Variants in STK3 observed in about 807,000 individuals in gnomAD.
STK3 encodes the protein serine/threonine-protein kinase 3.
Under a neutral mutation model 58.0 loss-of-function variants are expected in STK3, and 41 were observed. That is an observed-to-expected ratio of 0.71 (90% CI 0.55 to 0.92). The LOEUF is 0.92. Among genes scored for constraint, STK3 ranks in the 40% least tolerant of loss-of-function variants. The pLI is 0.00. For missense variants in STK3, 479 were observed against 602.7 expected, an observed-to-expected ratio of 0.79 and a Z score of 2.15; for synonymous variants, 170 against 191.0, an observed-to-expected ratio of 0.89 and a Z score of 0.91.
At chr8:98,891,144 G>A (rs1838185375) in intron 1 of STK3, among the ~76,000 whole-genome samples, 1 of 152,244 alleles carries the variant, frequency 6.6e-6, no homozygotes, top group African/African-American at 2.4e-5. Context: ...CAGGGCTGGG[G>A]CAGTGACCAC....
At chr8:98,764,099 A>G (rs1237526018) in intron 3 of STK3, among the ~76,000 whole-genome samples, 1 of 152,234 alleles carries the variant, frequency 6.6e-6, no homozygotes, top group African/African-American at 2.4e-5. Flanking sequence ...AAAGGCAGAA[A>G]CCATTTTTCA....
rs151196486 is a variant in STK3 at position 98,437,121 on chromosome 8, C to T, written n.273G>A. ...GACTTACTAGTGACTTCTTGGCCAC[C>T]GTTGGTGCTCCTGTTGAATATAACC... On this transcript the variant is annotated non_coding_transcript_exon_variant, in exon 2 of 4. Coordinates refer to the STK3 transcript ENST00000517832. The T allele has an allele frequency of 3.4e-3, 525 of 152,402 alleles. 1 individual carries two copies. Among genetic ancestry groups the T allele is most frequent in the Non-Finnish European group, 5.9e-3 (402 of 68,090 alleles). 9.4% of individuals were successfully genotyped at this position (152,402 alleles called of 1,614,324 possible). A position where few individuals can be genotyped will look rare whatever the true frequency, so the allele number is the denominator to read the frequency against.
intron 4 of STK3, among the ~76,000 whole-genome samples, chr8:98,725,985 C>T (rs914303567): frequency 6.6e-6 from 1 of 152,206 alleles, no homozygotes; most frequent in Non-Finnish European, 1.5e-5. Flanking sequence ...GCTTGGTCTT[C>T]CTGCTCCACA....
At chr8:98,350,807 C>T in the STK3 span, among the ~76,000 whole-genome samples, 1 of 152,148 alleles carries the variant, frequency 6.6e-6, no homozygotes, top group Non-Finnish European at 1.5e-5. Flanking sequence ...AGTTATCTCC[C>T]ACTGGGTCCC....
intron 8 of STK3, among the ~76,000 whole-genome samples, chr8:98,567,737 G>T (rs1812610447): frequency 6.6e-6 from 1 of 152,020 alleles, no homozygotes; most frequent in African/African-American, 2.4e-5. Flanking sequence ...TTTATAAAGA[G>T]ATCATATTAC....
At chr8:98,693,629 C>A (rs1007417304) in intron 6 of STK3, among the ~76,000 whole-genome samples, 4 of 152,186 alleles carry the variant, frequency 2.6e-5, no homozygotes, top group Non-Finnish European at 5.9e-5. Context: ...AGATACTCCT[C>A]TATGCCATTC....
rs34742964 is a variant in STK3, at chr8:98,690,449, CAAAAAAA to C, written c.684+16011_684+16017del. On this transcript the variant is annotated intron_variant, in intron 6 of 10. Transcript: ENST00000419617. ...ATGCAATGCCATTTACAATTCCTAC[CAAAAAAA>C]AAAAAAAAACAACCTAGGAATACAC... is the stretch of plus-strand genomic sequence containing the variant. 4.8e-4 allele frequency among the ~76,000 whole-genome samples: 52 copies of C among 108,792 alleles called. 1 individual carries two copies. The highest frequency in any genetic ancestry group is 1.7e-3 in the African/African-American group (48 of 28,218). 71.4% of individuals were successfully genotyped at this position (108,792 alleles called of 152,430 possible). A position where few individuals can be genotyped will look rare whatever the true frequency, so the allele number is the denominator to read the frequency against.
intron 1 of STK3, among the ~76,000 whole-genome samples, chr8:98,936,064 C>T (rs1027981460): frequency 4.6e-5 from 7 of 151,974 alleles, no homozygotes; most frequent in Non-Finnish European, 8.8e-5. Flanking sequence ...TACAGGTGCC[C>T]GCCACCACAC....
In STK3 at chr8:98,707,314, G is replaced by A. The variant is rs764899242; in HGVS notation, c.352-3C>T. 1.3e-6 allele frequency: 2 copies of A among 1,501,306 alleles called. No individual in the cohort carries two copies. Among genetic ancestry groups the A allele is most frequent in the East Asian group, 2.5e-5 (1 of 40,666 alleles). 93.0% of individuals were successfully genotyped at this position (1,501,306 alleles called of 1,614,324 possible). ...GTTGCAATTTCATCTTCTATTAACT[G>A]GAAAGAAATATTTTTAAAACCATAA... On this transcript the variant is annotated splice_region_variant and splice_polypyrimidine_tract_variant and intron_variant, in intron 4 of 10. Transcript: ENST00000419617.
At chr8:98,617,604 G>A (rs1050006695) in intron 6 of STK3, among the ~76,000 whole-genome samples, 3 of 152,010 alleles carry the variant, frequency 2.0e-5, no homozygotes, top group Admixed American at 6.6e-5. Context: ...AAATCAAATC[G>A]ACACAATAAA....
intron 6 of STK3, among the ~76,000 whole-genome samples, chr8:98,620,833 A>G (rs1470798369): frequency 6.6e-6 from 1 of 151,944 alleles, no homozygotes; most frequent in Non-Finnish European, 1.5e-5. Context: ...GTTTCTAAAT[A>G]TATTTTTGTT....
intron 10 of STK3, among the ~76,000 whole-genome samples, chr8:98,506,717 A>T (rs1371223334): frequency 2.1e-5 from 3 of 140,198 alleles, no homozygotes; most frequent in Non-Finnish European, 5.0e-5. Flanking sequence ...CATCAAAAGA[A>T]AAAAAAAAGA....
intron 6 of STK3, among the ~76,000 whole-genome samples, chr8:98,596,884 T>A (rs1815872981): frequency 6.6e-6 from 1 of 151,746 alleles, no homozygotes; most frequent in Non-Finnish European, 1.5e-5. Context: ...AGAAGTAGAT[T>A]AAAAAAACAA....
At chr8:98,513,919 G>A (rs1295465112) in intron 10 of STK3, among the ~76,000 whole-genome samples, 1 of 152,150 alleles carries the variant, frequency 6.6e-6, no homozygotes, top group Admixed American at 6.6e-5. Context: ...AGAGCTCAGT[G>A]ATAAAGGAAG....
chr8:98,567,444 T>C (rs1283900158), intron 8 of STK3, among the ~76,000 whole-genome samples: 2 of 152,174 alleles, frequency 1.3e-5, no homozygotes, highest in Non-Finnish European at 2.9e-5. Flanking sequence ...GCTATCCACC[T>C]GCCTTGGCCT....
chr8:98,659,751 T>C (rs951732434), intron 6 of STK3, among the ~76,000 whole-genome samples: 1 of 151,668 alleles, frequency 6.6e-6, no homozygotes, highest in Non-Finnish European at 1.5e-5. Context: ...TAACTCAAAG[T>C]TTTCTAGATG....
At chr8:98,435,226 G>T (rs1327256735) in intron 2 of STK3, among the ~76,000 whole-genome samples, 1 of 152,256 alleles carries the variant, frequency 6.6e-6, no homozygotes, top group Non-Finnish European at 1.5e-5. Flanking sequence ...GACAGGGCAT[G>T]GTGCTGGGAG....
At chr8:98,404,494 C>T (rs1018270934) in intron 3 of STK3, among the ~76,000 whole-genome samples, 1 of 152,082 alleles carries the variant, frequency 6.6e-6, no homozygotes, top group Non-Finnish European at 1.5e-5. Flanking sequence ...TCCAGGCTAA[C>T]ATGGTGAAAC....
intron 4 of STK3, among the ~76,000 whole-genome samples, chr8:98,721,667 C>G (rs1347473981): frequency 6.6e-6 from 1 of 151,058 alleles, no homozygotes; most frequent in East Asian, 1.9e-4. Context: ...ATTCACAAAA[C>G]TAAAAAAAAG....
Sources: allele counts gnomAD v4.1 joint callset (sites outside exome capture counted in the v4.1 genomes callset), GRCh38; gene constraint gnomAD v4.1.1; transcripts MANE v1.5; gene names NCBI Gene and HGNC (gene_info 2026-07-23, HGNC 2026-07-21).